The following CAD variants were observed in gnomAD, a reference collection of about 807,000 sequenced individuals.
CAD encodes the protein multifunctional protein CAD.
In CAD, 81 loss-of-function variants were observed where a neutral mutation model predicts 237.2. The observed-to-expected ratio is 0.34, with a 90% CI of 0.29 to 0.41. The LOEUF is 0.41. CAD is among the 10% of genes least tolerant of loss of function. The probability of loss-of-function intolerance (pLI) is 1.00; values close to 1 mark genes in which losing one functional copy is unlikely to be tolerated. For synonymous variants in CAD, 1,196 were observed against 1,162.8 expected (o/e 1.03, Z -0.58); for missense variants, 2,181 against 2,951.7 (o/e 0.74, Z 6.05).
rs1457320519 is a variant in CAD at position 27,240,388 on chromosome 2, A to C, written c.5593+27A>C. On this transcript the variant is annotated intron_variant, in intron 35 of 43. Transcript: ENST00000264705. This position sits in a 1 kb window ranked among gnomAD's most constrained non-coding sequence, Gnocchi z 4.6. ...TAAGAGTGGGGTTCCTGTGACTCAG[A>C]GACTGTGTAGGGACAGGATCCACTT... 1 of 1,597,006 alleles carries C rather than the reference A, an allele frequency of 6.3e-7. No homozygotes were observed.
intron 6 of CAD, 59 bp from the exon 7 acceptor site, chr2:27,223,504 G>T (rs973187838): frequency 3.4e-6 from 5 of 1,472,688 alleles, no homozygotes; most frequent in East Asian, 2.3e-5. Flanking sequence ...AGCTGGGGTA[G>T]GTTCAGTAGT....
intron 16 of CAD, 127 bp from the exon 17 acceptor site, chr2:27,231,853 T>A (rs1675774576): frequency 8.9e-7 from 1 of 1,122,374 alleles, no homozygotes; most frequent in Non-Finnish European, 1.3e-6. Context: ...GGTATCCAGG[T>A]TTTTGCAGTT....
intron 15 of CAD, chr2:27,227,447 G>A (rs1375796931): frequency 6.4e-6 from 1 of 155,816 alleles, no homozygotes; most frequent in African/African-American, 2.4e-5. Flanking sequence ...AAATATACGT[G>A]TACCAGACAC....
chr2:27,235,689 G>T lies in CAD; in HGVS notation c.4074+49G>T, dbSNP rs749889208. The T allele has an allele frequency of 1.3e-6, 2 of 1,486,766 alleles. No individual in the cohort carries two copies. The highest frequency in any genetic ancestry group is 1.7e-4 in the Middle Eastern group (1 of 5,818). 92.1% of individuals were successfully genotyped at this position (1,486,766 alleles called of 1,614,324 possible). The stretch of plus-strand genomic sequence containing the variant: ...CCCACTGCTGCCCTTCCCCAAGGGG[G>T]TGAAAATACTGCACCAAAGAATTAT... On this transcript the variant is annotated intron_variant, in intron 25 of 43. Transcript: ENST00000264705. This position sits in a 1 kb window ranked among gnomAD's most constrained non-coding sequence, Gnocchi z 5.2.
At chr2:27,238,984 G>C in intron 31 of CAD, 58 bp from the exon 32 acceptor site, 1 of 1,474,084 alleles carries the variant, frequency 6.8e-7, no homozygotes, top group Non-Finnish European at 9.1e-7. Context: ...TGGGGTGTGA[G>C]TGACTTCCTA....
Position 27,240,492 on chromosome 2 carries a change from C to G in CAD, c.5593+131C>G, listed in dbSNP as rs1676263003. 1 of 1,508,470 alleles carries G rather than the reference C, an allele frequency of 6.6e-7. No homozygotes were observed. Among genetic ancestry groups the G allele is most frequent in the Non-Finnish European group, 9.1e-7 (1 of 1,101,874 alleles). 93.4% of individuals were successfully genotyped at this position (1,508,470 alleles called of 1,614,324 possible). ...TCCTCGTCTGATCTGCCGTGCCATC[C>G]TTTGCCTAAACAAGTCTCCCCGGTG... On this transcript the variant is annotated intron_variant, in intron 35 of 43. Coordinates refer to ENST00000264705, the MANE Select transcript of CAD (RefSeq NM_004341.5). The surrounding 1 kb of genome is among the most constrained non-coding windows in gnomAD (Gnocchi z 4.6).
chr2:27,229,309 C>T (rs1675608671), intron 15 of CAD, among the ~76,000 whole-genome samples: 1 of 152,016 alleles, frequency 6.6e-6, no homozygotes, highest in Admixed American at 6.6e-5. Flanking sequence ...TATTCTGTCA[C>T]CCAGGGTGGA....
At position 27,232,613 on chromosome 2, in the gene CAD, C is replaced by T. The variant is rs200497046; in HGVS notation, c.2811C>T (p.Val937=). ...CCTTTCGAACACCTCATGTCCTAGT[C>T]CTTGGCTCTGGCGTCTACCGTATTG... ...DLTFRTPHVL[V]LGSGVYRIGS... The change falls in exon 18 of 44, where the codon GTC becomes GTT. Residue 937 remains valine (V), a synonymous_variant. Transcript: ENST00000264705. This position sits in a 1 kb window ranked among gnomAD's most constrained non-coding sequence, Gnocchi z 4.1. 1.9e-6 allele frequency: 3 copies of T among 1,614,188 alleles called. No individual in the cohort carries two copies. Among genetic ancestry groups the T allele is most frequent in the Admixed American group, 1.7e-5 (1 of 60,034 alleles).
At chr2:27,225,608 A>C in intron 11 of CAD, 97 bp from the exon 12 acceptor site, 1 of 958,830 alleles carries the variant, frequency 1.0e-6, no homozygotes, top group South Asian at 1.4e-5. Context: ...CACTATGCCC[A>C]GCCATGTTAT....
Position 27,231,542 on chromosome 2 carries a change from G to C in CAD, c.2362G>C (p.Val788Leu). The C allele has an allele frequency of 2.5e-6, 4 of 1,613,772 alleles. No individual in the cohort carries two copies. Among genetic ancestry groups the C allele is most frequent in the Non-Finnish European group, 3.4e-6 (4 of 1,179,724 alleles). ...KALRMVDENC[V>L]GFDHTVKPVS... ...CCTGCGCATGGTGGATGAGAACTGTGTGGGCTTTGATCACACAGTGAAACC... is the reference window on the plus strand; with the variant it reads ...CCTGCGCATGGTGGATGAGAACTGTCTGGGCTTTGATCACACAGTGAAACC... Residue 788 changes from valine to leucine, a missense_variant, in exon 16 of 44, where the codon GTG becomes CTG. Transcript: ENST00000264705.
At chr2:27,230,730 A>G (rs978567157) in intron 15 of CAD, among the ~76,000 whole-genome samples, 3 of 152,198 alleles carry the variant, frequency 2.0e-5, no homozygotes, top group Admixed American at 1.3e-4. Flanking sequence ...AGTAAGGATC[A>G]TCTTCCTATT....
Position 27,233,181 on chromosome 2 carries a change from G to A in CAD, c.2991+41G>A, listed in dbSNP as rs758932351. ...GCTTCCTGGTAGCTTGAGTGGCCAG[G>A]GTCGAGTAGAACAGCTGGCTGACCT... On this transcript the variant is annotated intron_variant, in intron 19 of 43. Coordinates refer to ENST00000264705, the MANE Select transcript of CAD (RefSeq NM_004341.5). This position sits in a 1 kb window ranked among gnomAD's most constrained non-coding sequence, Gnocchi z 6.3. The A allele has an allele frequency of 5.9e-6, 9 of 1,530,632 alleles. No homozygotes were observed. The South Asian group carries it at 1.0e-4, about 17-fold the overall frequency. The allele number at this position is 1,530,632 out of a possible 1,614,324, so 94.8% of individuals were successfully genotyped here. A position where few individuals can be genotyped will look rare whatever the true frequency, so the allele number is the denominator to read the frequency against.
chr2:27,224,415 A>G lies in CAD; in HGVS notation c.1179A>G (p.Pro393=). The G allele has an allele frequency of 6.2e-7, 1 of 1,614,036 alleles. No homozygotes were observed. Among genetic ancestry groups the G allele is most frequent in the South Asian group, 1.1e-5 (1 of 91,084 alleles). ...CTCCCGGCTCTGGACTTCCACCACCACGAAAGGTTCTGATCCTGGGCTCAG... is the reference window on the plus strand; with the variant it reads ...CTCCCGGCTCTGGACTTCCACCACCGCGAAAGGTTCTGATCCTGGGCTCAG... ...IPTPGSGLPP[P]RKVLILGSGG... Residue 393 remains proline, a synonymous_variant, in exon 9 of 44, where the codon CCA becomes CCG. Coordinates refer to ENST00000264705, the MANE Select transcript of CAD (RefSeq NM_004341.5).
In CAD at chr2:27,226,946, C is replaced by G; in HGVS notation, c.2271C>G (p.Ser757Arg). 1 of 1,614,152 alleles carries G rather than the reference C, an allele frequency of 6.2e-7. No individual in the cohort carries two copies. The highest frequency in any genetic ancestry group is 8.5e-7 in the Non-Finnish European group (1 of 1,180,010). ...TGCGAGTCAGCACAAAGATTGGGAG[C>G]TGCATGAAGAGCGTTGGTGAGACTC... ...KFLRVSTKIG[S>R]CMKSVGEVMG... is the part of the protein sequence containing the mutation. Residue 757 changes from serine (S) to arginine (R), a missense_variant, in exon 15 of 44, where the codon AGC becomes AGG. By Grantham distance (110) the Ser-to-Arg change is moderately radical (BLOSUM62 -1). Around this residue, in one of 12 missense-constraint regions of CAD, gnomAD observed 385 missense variants for 535.1 expected, o/e 0.72. Coordinates refer to ENST00000264705, the MANE Select transcript of CAD (RefSeq NM_004341.5).
chr2:27,240,454 C>G lies in CAD; in HGVS notation c.5593+93C>G. 6.8e-7 allele frequency: 1 copy of G among 1,479,434 alleles called. No homozygotes were observed. Among genetic ancestry groups the G allele is most frequent in the Non-Finnish European group, 9.4e-7 (1 of 1,059,424 alleles). 91.6% of individuals were successfully genotyped at this position (1,479,434 alleles called of 1,614,324 possible). On this transcript the variant is annotated intron_variant, in intron 35 of 43. Transcript: ENST00000264705. The surrounding 1 kb of genome is among the most constrained non-coding windows in gnomAD (Gnocchi z 4.6). ...CCTTTCTCTACTTACATGTCCTCCT[C>G]TCCATCCCTTTATCCTCGTCTGATC... is the stretch of plus-strand genomic sequence containing the variant.
chr2:27,232,269 G>T lies in CAD; in HGVS notation c.2645+45G>T. ...GCTTCCGGCTGGGAAATGTGGGGCA[G>T]AACCTTTGTATCAGTGAGGGACCCT... is the stretch of plus-strand genomic sequence containing the variant. On this transcript the variant is annotated intron_variant, in intron 17 of 43. Coordinates refer to ENST00000264705, the MANE Select transcript of CAD (RefSeq NM_004341.5). This position sits in a 1 kb window ranked among gnomAD's most constrained non-coding sequence, Gnocchi z 4.1. The T allele has an allele frequency of 6.2e-7, 1 of 1,608,156 alleles. No homozygotes were observed. Among genetic ancestry groups the T allele is most frequent in the Non-Finnish European group, 8.5e-7 (1 of 1,178,076 alleles).
At chr2:27,238,245 C>T in intron 30 of CAD, 58 bp downstream of exon 30, 19 of 1,589,018 alleles carry the variant, frequency 1.2e-5, no homozygotes, top group Non-Finnish European at 1.6e-5. Context: ...CACCAAAGGT[C>T]AGGGTAGTCC....
Position 27,239,081 on chromosome 2 carries a change from C to G in CAD, c.5102C>G (p.Pro1701Arg), listed in dbSNP as rs768803110. ...GAGGAGAAGTGTGGGTCCAGGCCCC[C>G]ACCTGGGTTCCCAGGGTTAGAGACC... is the stretch of plus-strand genomic sequence containing the variant. ...TLEEKCGSRP[P>R]PGFPGLETML... is the part of the protein sequence containing the mutation. Residue 1701 changes from proline to arginine, a missense_variant, in exon 32 of 44, where the codon CCA (proline) becomes CGA (arginine). Physicochemically the swap from Pro to Arg is moderately radical, Grantham distance 103 (BLOSUM62 -2). Transcript: ENST00000264705. The surrounding 1 kb of genome is among the most constrained non-coding windows in gnomAD (Gnocchi z 4.0). The G allele has an allele frequency of 1.3e-6, 2 of 1,597,332 alleles. No individual in the cohort carries two copies. The highest frequency in any genetic ancestry group is 8.5e-7 in the Non-Finnish European group (1 of 1,172,514).
At chr2:27,228,786 C>T (rs1379540207) in intron 15 of CAD, among the ~76,000 whole-genome samples, 1 of 151,970 alleles carries the variant, frequency 6.6e-6, no homozygotes, top group Non-Finnish European at 1.5e-5. Context: ...GACAGGGTTT[C>T]TCCCTGTTGG....
Sources: gnomAD v4.1 joint callset for allele counts (sites outside exome capture counted in the v4.1 genomes callset) on GRCh38, gnomAD v4.1.1 for gene constraint, gnomAD v4.1.1 regional missense constraint, Gnocchi (gnomAD v3.1) non-coding constraint, MANE v1.5 for transcripts, NCBI Gene and HGNC (gene_info 2026-07-23, HGNC 2026-07-21) for gene names.